The following MEGF8 variants were observed in gnomAD, a reference collection of about 807,000 sequenced individuals.
MEGF8 encodes multiple EGF like domains 8.
In MEGF8, 156 loss-of-function variants were observed where a neutral mutation model predicts 302.9. That is an observed-to-expected ratio of 0.52 (90% CI 0.45 to 0.59). The LOEUF (loss-of-function observed/expected upper bound fraction) is 0.59. MEGF8 is among the 20% of genes least tolerant of loss of function. The pLI is 0.00. For missense variants in MEGF8, 3,345 were observed against 3,964.5 expected (o/e 0.84, Z 4.20); for synonymous variants, 1,621 against 1,660.5 (o/e 0.98, Z 0.58).
chr19:42,360,150 C>CAAA (rs111805163), intron 31 of MEGF8, among the ~76,000 whole-genome samples: 1 of 88,956 alleles, frequency 1.1e-5, no homozygotes, highest in African/African-American at 3.8e-5. Flanking sequence ...GACTCTTTCT[C>CAAA]AAAAAAAAAA....
In MEGF8 at chr19:42,344,461, G is replaced by A. The variant is rs369970545; in HGVS notation, c.1809G>A (p.Leu603=). The A allele has an allele frequency of 3.8e-6, 6 of 1,594,794 alleles. No individual in the cohort carries two copies. The African/African-American group carries it at 6.7e-5, about 18-fold the overall frequency. The stretch of plus-strand genomic sequence containing the variant: ...CGCAGTGTCCAGCCGCCAGCTGCCT[G>A]GGCCTGGGCCGCCTCCTGGGTGACT... ...PLGACPAASC[L]GLGRLLGDCQ... The change falls in exon 11 of 42, where the codon CTG becomes CTA. Residue 603 remains leucine (L), a synonymous_variant. Coordinates refer to ENST00000251268, the MANE Select transcript of MEGF8 (RefSeq NM_001271938.2). The surrounding 1 kb of genome is among the most constrained non-coding windows in gnomAD (Gnocchi z 4.5).
At chr19:42,349,179 A>G (rs1487612858) in intron 13 of MEGF8, among the ~76,000 whole-genome samples, 2 of 151,982 alleles carry the variant, frequency 1.3e-5, no homozygotes, top group African/African-American at 2.4e-5. Context: ...ATGCACCTGT[A>G]GTCCCAGCTA....
Position 42,360,722 on chromosome 19 carries a change from T to C in MEGF8, c.5489-53T>C, listed in dbSNP as rs2085262617. The C allele has an allele frequency of 2.6e-6, 4 of 1,546,988 alleles. No individual in the cohort carries two copies. In the South Asian group the frequency reaches 3.6e-5, roughly 14 times the overall value. On this transcript the variant is annotated intron_variant, in intron 31 of 41. Transcript: ENST00000251268. ...TCTGACTGGCATCATGGTGTGGGTC[T>C]CTTCCTGGAGTCTCCTGCTCTCTAT...
Position 42,356,065 on chromosome 19 carries a change from T to C in MEGF8, c.4393-18T>C. 1 of 1,588,972 alleles carries C rather than the reference T, an allele frequency of 6.3e-7. No individual in the cohort carries two copies. Among genetic ancestry groups the C allele is most frequent in the South Asian group, 1.1e-5 (1 of 87,782 alleles). On this transcript the variant is annotated intron_variant, in intron 24 of 41. Transcript: ENST00000251268. This position sits in a 1 kb window ranked among gnomAD's most constrained non-coding sequence, Gnocchi z 5.2. ...GGCTGGTGATCAGGGCTCCCCTGAG[T>C]CCCTTGTCATCCCCCAGAGCCTGGG... is the stretch of plus-strand genomic sequence containing the variant.
intron 41 of MEGF8, among the ~76,000 whole-genome samples, chr19:42,371,737 A>G (rs1309913357): frequency 2.6e-5 from 4 of 152,164 alleles, no homozygotes; most frequent in African/African-American, 9.7e-5. Flanking sequence ...ACAGGTAGTC[A>G]CAGCTAAAGG....
At chr19:42,343,862 A>C in intron 9 of MEGF8, 92 bp from the exon 10 acceptor site, 1 of 1,504,016 alleles carries the variant, frequency 6.6e-7, no homozygotes, top group Non-Finnish European at 8.9e-7. Context: ...GGGATAGCTA[A>C]AGCAAGCGGG....
At position 42,352,724 on chromosome 19, in the gene MEGF8, G is replaced by C; in HGVS notation, c.3351-204G>C. 1.6e-6 allele frequency: 1 copy of C among 635,376 alleles called. No individual in the cohort carries two copies. 39.4% of individuals were successfully genotyped at this position (635,376 alleles called of 1,614,324 possible). ...GCGGAGGAGGACCTAGTTGAAAGAG[G>C]TTTTCACAGTGGTGCTATGTGGTTG... On this transcript the variant is annotated intron_variant, in intron 19 of 41. Transcript: ENST00000251268. This position sits in a 1 kb window ranked among gnomAD's most constrained non-coding sequence, Gnocchi z 4.4.
Position 42,370,226 on chromosome 19 carries a change from G to C in MEGF8, c.6872G>C (p.Gly2291Ala). ...HCEQCLPLFVGSAVGGGTCRP... is the reference protein window; with the variant it reads ...HCEQCLPLFVASAVGGGTCRP... ...GAGCAGTGCCTCCCGCTGTTTGTGG[G>C]TTCAGCTGTCGGAGGCGGGACCTGC... is the stretch of plus-strand genomic sequence containing the variant. Residue 2291 changes from glycine to alanine, a missense_variant, in exon 39 of 42, where the codon GGT becomes GCT. Physicochemically the swap from Gly to Ala is moderately conservative, Grantham distance 60 (BLOSUM62 0). Coordinates refer to ENST00000251268, the MANE Select transcript of MEGF8 (RefSeq NM_001271938.2). 6.2e-7 allele frequency: 1 copy of C among 1,613,720 alleles called. No homozygotes were observed.
In MEGF8 at chr19:42,362,475, G is replaced by A; in HGVS notation, c.5936G>A (p.Arg1979Gln). 3 of 1,613,956 alleles carry A rather than the reference G, an allele frequency of 1.9e-6. No homozygotes were observed. The highest frequency in any genetic ancestry group is 2.5e-6 in the Non-Finnish European group (3 of 1,179,894). ...NGSCTSENDC[R>Q]INQREVFWAG... ...TCCTGCACCTCTGAGAATGACTGTC[G>A]GATCAACCAGCGAGAGGTCTTCTGG... is the stretch of plus-strand genomic sequence containing the variant. Residue 1979 changes from arginine (R) to glutamine (Q), a missense_variant, in exon 34 of 42, where the codon CGG becomes CAG. Coordinates refer to ENST00000251268, the MANE Select transcript of MEGF8 (RefSeq NM_001271938.2).
Position 42,344,650 on chromosome 19 carries a change from C to T in MEGF8, c.1934-20C>T, listed in dbSNP as rs1168133949. ...AGCACTCCACACTGACCCACCGGCC[C>T]CCACCCCCTGTCTTCTCAGAGCAGG... On this transcript the variant is annotated intron_variant, in intron 11 of 41. Transcript: ENST00000251268. The surrounding 1 kb of genome is among the most constrained non-coding windows in gnomAD (Gnocchi z 4.5). 1.3e-6 allele frequency: 2 copies of T among 1,561,886 alleles called. No homozygotes were observed. The highest frequency in any genetic ancestry group is 1.2e-5 in the South Asian group (1 of 84,150).
chr19:42,348,219 G>A, intron 12 of MEGF8, 53 bp from the exon 13 acceptor site: 3 of 1,453,880 alleles, frequency 2.1e-6, no homozygotes, highest in African/African-American at 1.4e-5. Context: ...GCTCTGATGT[G>A]GCCTGTGAGT....
rs45623135 is a variant in MEGF8, at chr19:42,375,658, G to A, written c.7421G>A (p.Arg2474His). 4.9e-3 allele frequency: 7,932 copies of A among 1,610,068 alleles called. 24 individuals carry two copies. Among genetic ancestry groups the A allele is most frequent in the Middle Eastern group, 7.4e-3 (45 of 6,056 alleles). ...AAACGCCGGGCGCTAGGCCCCGGCC[G>A]CACTGTCCTCTTTGGCGTGCAGCCC... ...EPKRRALGPG[R>H]TVLFGVQPKF... The change falls in exon 42 of 42, where the codon CGC becomes CAC. Residue 2474 changes from arginine (R) to histidine (H), a missense_variant. By Grantham distance (29) the Arg-to-His change is conservative. Transcript: ENST00000251268. This position sits in a 1 kb window ranked among gnomAD's most constrained non-coding sequence, Gnocchi z 7.1.
At position 42,343,059 on chromosome 19, in the gene MEGF8, G is replaced by A. The variant is rs553090071; in HGVS notation, c.1514-418G>A. Among the ~76,000 whole-genome samples the A allele has an allele frequency of 5.5e-4, 84 of 152,250 alleles. No individual in the cohort carries two copies. In the South Asian group the frequency reaches 0.011, roughly 21 times the overall value. ...GGCTGGTGCTAGACAGACAAAAATG[G>A]GAGACTGAGGCAGCCTACTGGGGGC... On this transcript the variant is annotated intron_variant, in intron 8 of 41. Coordinates refer to ENST00000251268, the MANE Select transcript of MEGF8 (RefSeq NM_001271938.2).
intron 8 of MEGF8, among the ~76,000 whole-genome samples, chr19:42,338,825 A>ATTTTTTTTTTTTTTTT (rs55994617): frequency 2.1e-5 from 1 of 47,146 alleles, no homozygotes. Flanking sequence ...CTTTCTATGT[A>ATTTTTTTTTTTTTTTT]TTTTTTTTTT....
chr19:42,357,322 TG>T lies in MEGF8; in HGVS notation c.4831-76del. Reference sequence around the variant, plus strand: ...CTCCTTAGTACTTCAGGGAGGACTGTGGGGGGCTGAGGCTCGCTTCTACCCA... The same window carrying T: ...CTCCTTAGTACTTCAGGGAGGACTGTGGGGGCTGAGGCTCGCTTCTACCCA... On this transcript the variant is annotated intron_variant, in intron 27 of 41. Transcript: ENST00000251268. The surrounding 1 kb of genome is among the most constrained non-coding windows in gnomAD (Gnocchi z 5.2). 1 of 1,503,878 alleles carries T rather than the reference TG, an allele frequency of 6.6e-7. No individual in the cohort carries two copies. 93.2% of individuals were successfully genotyped at this position (1,503,878 alleles called of 1,614,324 possible).
chr19:42,371,716 C>T (rs188182004), intron 41 of MEGF8, among the ~76,000 whole-genome samples: 122 of 152,226 alleles, frequency 8.0e-4, no homozygotes, highest in Non-Finnish European at 1.4e-3. Flanking sequence ...GGTGGGGAGA[C>T]AGTCTCCATT....
rs1181774078 is a variant in MEGF8 at position 42,370,594 on chromosome 19, C to A, written c.7006-107C>A. On this transcript the variant is annotated intron_variant, in intron 39 of 41. Coordinates refer to ENST00000251268, the MANE Select transcript of MEGF8 (RefSeq NM_001271938.2). ...GAGGGAGGAGGGGGTGGGAGCCTGG[C>A]CTCCTGGGTCTGAGGGAGGAGTGGG... 33 of 1,284,794 alleles carry A rather than the reference C, an allele frequency of 2.6e-5. No individual in the cohort carries two copies. The East Asian group carries it at 7.6e-4, about 29-fold the overall frequency. 79.6% of individuals were successfully genotyped at this position (1,284,794 alleles called of 1,614,324 possible).
chr19:42,356,883 C>T lies in MEGF8; in HGVS notation c.4732C>T (p.Arg1578Cys), dbSNP rs774288940. The change falls in exon 27 of 42, where the codon CGT (arginine) becomes TGT (cysteine). Residue 1578 changes from arginine (R) to cysteine (C), a missense_variant. Physicochemically the swap from Arg to Cys is radical, Grantham distance 180 (BLOSUM62 -3). Coordinates refer to ENST00000251268, the MANE Select transcript of MEGF8 (RefSeq NM_001271938.2). The surrounding 1 kb of genome is among the most constrained non-coding windows in gnomAD (Gnocchi z 5.2). ...TGCAGCCGCATATGTGCCCGCTGGC[C>T]GTGGTGCCATGTATCTGCTGGGGGG... The part of the protein sequence containing the change: ...FHAAAYVPAG[R>C]GAMYLLGGLT... 13 of 1,603,168 alleles carry T rather than the reference C, an allele frequency of 8.1e-6. No individual in the cohort carries two copies. Among genetic ancestry groups the T allele is most frequent in the Middle Eastern group, 1.6e-4 (1 of 6,068 alleles).
In MEGF8 at chr19:42,350,389, C is replaced by T. The variant is rs1304314210; in HGVS notation, c.2736+5C>T. 5 of 1,519,494 alleles carry T rather than the reference C, an allele frequency of 3.3e-6. No individual in the cohort carries two copies. Among genetic ancestry groups the T allele is most frequent in the Non-Finnish European group, 4.4e-6 (5 of 1,134,132 alleles). The allele number at this position is 1,519,494 out of a possible 1,614,324, so 94.1% of individuals were successfully genotyped here. ...GACTGCCACGCCTGCACCCAGGTGC[C>T]TGTGGGGCCACCAGGGGAGGTCACA... On this transcript the variant is annotated splice_donor_5th_base_variant and intron_variant, in intron 15 of 41. Coordinates refer to ENST00000251268, the MANE Select transcript of MEGF8 (RefSeq NM_001271938.2).
Sources: gnomAD v4.1 joint callset for allele counts (sites outside exome capture counted in the v4.1 genomes callset) on GRCh38, gnomAD v4.1.1 for gene constraint, Gnocchi (gnomAD v3.1) non-coding constraint, MANE v1.5 for transcripts, NCBI Gene and HGNC (gene_info 2026-07-23, HGNC 2026-07-21) for gene names.